Variants in LRP2 observed in about 807,000 individuals in gnomAD.
LRP2 encodes LDL receptor related protein 2.
LRP2 carries 172 observed loss-of-function variants against 531.0 expected under a neutral mutation model. That is an observed-to-expected ratio of 0.32 (90% CI 0.29 to 0.37). The LOEUF is 0.37. Ranked by LOEUF, LRP2 falls within the 10% of genes least tolerant of loss-of-function variation. LRP2 has a pLI of 1.00. For synonymous variants in LRP2, 1,992 were observed against 2,027.6 expected (o/e 0.98, Z 0.47); for missense variants, 5,167 against 5,868.3 (o/e 0.88, Z 3.90).
In LRP2 at chr2:169,239,690, C is replaced by A; in HGVS notation, c.4131G>T (p.Leu1377Phe). ...TAGAATCATTGGCAAGTAAGAATCC[C>A]AATGGACATAGGCATTTAGCCCCAA... ...EPFGAKCLCP[L>F]GFLLANDSKT... Residue 1377 changes from leucine (L) to phenylalanine (F), a missense_variant, in exon 26 of 79, where the codon TTG becomes TTT. By Grantham distance (22) the Leu-to-Phe change is conservative. Transcript: ENST00000649046. The A allele has an allele frequency of 6.2e-7, 1 of 1,613,952 alleles. No individual in the cohort carries two copies. The highest frequency in any genetic ancestry group is 8.5e-7 in the Non-Finnish European group (1 of 1,179,842).
At chr2:169,151,432 T>C (rs1686118952) in intron 67 of LRP2, among the ~76,000 whole-genome samples, 1 of 152,058 alleles carries the variant, frequency 6.6e-6, no homozygotes, top group Admixed American at 6.6e-5. Context: ...ACTGGCATTA[T>C]TATGAGACAT....
intron 1 of LRP2, among the ~76,000 whole-genome samples, chr2:169,354,557 A>G (rs1207711919): frequency 6.6e-5 from 10 of 152,236 alleles, no homozygotes; most frequent in Admixed American, 2.0e-4. Context: ...ATCTGTCATT[A>G]TCTAGGAAAG....
intron 1 of LRP2, among the ~76,000 whole-genome samples, chr2:169,337,583 A>T (rs1685439902): frequency 1.3e-5 from 2 of 152,228 alleles, no homozygotes; most frequent in Non-Finnish European, 2.9e-5. Context: ...CAATGACTCC[A>T]AAGGCCTCAA....
rs891561890 is a variant in LRP2, at chr2:169,329,244, G to T, written c.80-8360C>A. 2.0e-5 allele frequency among the ~76,000 whole-genome samples: 3 copies of T among 152,134 alleles called. No individual in the cohort carries two copies. The South Asian group carries it at 6.2e-4, about 31-fold the overall frequency. ...AGGGAGACCAGGCTTTGTGTGTAGG[G>T]TCAAAACAACTTGACAGGCCAGGCG... On this transcript the variant is annotated intron_variant, in intron 1 of 78. Transcript: ENST00000649046.
rs565417178 is a variant in LRP2, at chr2:169,358,118, C to T, written c.79+4203G>A. Among the ~76,000 whole-genome samples, 14 of 152,298 alleles carry T rather than the reference C, an allele frequency of 9.2e-5. No individual in the cohort carries two copies. The South Asian group carries it at 2.3e-3, about 25-fold the overall frequency. The stretch of plus-strand genomic sequence containing the variant: ...TCCAATTGTTTTTAAGATTCATCTG[C>T]TTATCAGACTGTGCCTTATCTGGCA... On this transcript the variant is annotated intron_variant, in intron 1 of 78. Coordinates refer to ENST00000649046, the MANE Select transcript of LRP2 (RefSeq NM_004525.3).
chr2:169,150,380 T>C (rs1686076714), intron 68 of LRP2, among the ~76,000 whole-genome samples: 1 of 152,214 alleles, frequency 6.6e-6, no homozygotes, highest in African/African-American at 2.4e-5. Flanking sequence ...CAAAACTTGT[T>C]CTCATTTACA....
chr2:169,168,632 C>T lies in LRP2; in HGVS notation c.11542G>A (p.Glu3848Lys), dbSNP rs777083781. The stretch of plus-strand genomic sequence containing the variant: ...GGGATACAAACATGGTTTTTGCATT[C>T]GAACATAGTAGCCTGGCAGTATGCA... ...DGAYCQATMF[E>K]CKNHVCIPPY... Residue 3848 changes from glutamate to lysine, a missense_variant, in exon 61 of 79, where the codon GAA (glutamate) becomes AAA (lysine). This residue lies in a region of LRP2 where 564 missense variants were observed against 747.7 expected (regional missense o/e 0.75). Transcript: ENST00000649046. 5.5e-5 allele frequency: 88 copies of T among 1,613,980 alleles called. No individual in the cohort carries two copies. Among genetic ancestry groups the T allele is most frequent in the Non-Finnish European group, 7.2e-5 (85 of 1,179,990 alleles).
At chr2:169,208,535 C>T (rs1688478606) in intron 38 of LRP2, among the ~76,000 whole-genome samples, 1 of 152,168 alleles carries the variant, frequency 6.6e-6, no homozygotes. Flanking sequence ...CGGCCCACTG[C>T]AACCTCCACC....
chr2:169,294,163 C>T lies in LRP2; in HGVS notation c.637G>A (p.Asp213Asn). The change falls in exon 6 of 79, where the codon GAC (aspartate) becomes AAC (asparagine). Residue 213 changes from aspartate (D) to asparagine (N), a missense_variant. Asp to Asn is a conservative substitution (Grantham distance 23). Coordinates refer to ENST00000649046, the MANE Select transcript of LRP2 (RefSeq NM_004525.3). ...DHDNDCQDGS[D>N]EHACNYPTCG... is the part of the protein sequence containing the mutation. ...ATCACCGTACTGCAAGCATGTTCGT[C>T]ACTGCCGTCTTGGCAATCATTGTCA... is the stretch of plus-strand genomic sequence containing the variant. The T allele has an allele frequency of 6.2e-7, 1 of 1,610,824 alleles. No homozygotes were observed. Among genetic ancestry groups the T allele is most frequent in the Non-Finnish European group, 8.5e-7 (1 of 1,177,038 alleles).
chr2:169,167,002 A>G (rs1686810577), intron 61 of LRP2, among the ~76,000 whole-genome samples: 1 of 152,216 alleles, frequency 6.6e-6, no homozygotes, highest in Non-Finnish European at 1.5e-5. Context: ...AGTATTGTTA[A>G]TAGAACTATT....
chr2:169,136,066 C>T (rs918772275), intron 76 of LRP2, among the ~76,000 whole-genome samples: 1 of 152,024 alleles, frequency 6.6e-6, no homozygotes, highest in Non-Finnish European at 1.5e-5. Context: ...CCTCCCAATT[C>T]TTAGTCCTTT....
At chr2:169,271,814 G>T in intron 15 of LRP2, 1 of 312,958 alleles carries the variant, frequency 3.2e-6, no homozygotes, top group Non-Finnish European at 4.6e-6. Context: ...ACAGCAATCA[G>T]AAATATAAAG....
At chr2:169,129,732 A>G (rs1338909255) in intron 77 of LRP2, among the ~76,000 whole-genome samples, 1 of 152,168 alleles carries the variant, frequency 6.6e-6, no homozygotes, top group Non-Finnish European at 1.5e-5. Context: ...ACTTGCAGGT[A>G]GAAGGGCAGG....
rs747142179 is a variant in LRP2 at position 169,239,673 on chromosome 2, T to C, written c.4148A>G (p.Asn1383Ser). 6.8e-6 allele frequency: 11 copies of C among 1,614,032 alleles called. No individual in the cohort carries two copies. The highest frequency in any genetic ancestry group is 9.3e-6 in the Non-Finnish European group (11 of 1,179,868). The change falls in exon 26 of 79, where the codon AAT (asparagine) becomes AGT (serine). Residue 1383 changes from asparagine (N) to serine (S), a missense_variant. This residue lies in a region of LRP2 where 2,811 missense variants were observed against 3,058.0 expected (regional missense o/e 0.92). Coordinates refer to ENST00000649046, the MANE Select transcript of LRP2 (RefSeq NM_004525.3). Reference sequence around the variant, plus strand: ...TATGTCTTCACAGGTCTTAGAATCATTGGCAAGTAAGAATCCCAATGGACA... The same window carrying C: ...TATGTCTTCACAGGTCTTAGAATCACTGGCAAGTAAGAATCCCAATGGACA... ...CLCPLGFLLA[N>S]DSKTCEDIDE...
chr2:169,244,022 G>A (rs1024621051), intron 22 of LRP2, among the ~76,000 whole-genome samples: 13 of 152,182 alleles, frequency 8.5e-5, no homozygotes, highest in Non-Finnish European at 1.5e-5. Context: ...CGGATGCAGT[G>A]GCTGGCCCCA....
chr2:169,292,583 A>C (rs1684025902), intron 6 of LRP2, among the ~76,000 whole-genome samples: 1 of 152,192 alleles, frequency 6.6e-6, no homozygotes, highest in Admixed American at 6.5e-5. Flanking sequence ...AAATGAACTC[A>C]GGTGCCGGTT....
chr2:169,209,606 A>T lies in LRP2; in HGVS notation c.6316T>A (p.Ser2106Thr). ...NALHVDVDVS[S>T]GFIYWCDFSS... ...AAATCACACCAATAAATAAAGCCAG[A>T]GGACACATCCACATCCACATGCAGT... Residue 2106 changes from serine to threonine, a missense_variant, in exon 38 of 79, where the codon TCT becomes ACT. By Grantham distance (58) the Ser-to-Thr change is moderately conservative. This residue lies in a region of LRP2 where 2,811 missense variants were observed against 3,058.0 expected (regional missense o/e 0.92). Coordinates refer to ENST00000649046, the MANE Select transcript of LRP2 (RefSeq NM_004525.3). 6.2e-7 allele frequency: 1 copy of T among 1,614,148 alleles called. No homozygotes were observed. The highest frequency in any genetic ancestry group is 8.5e-7 in the Non-Finnish European group (1 of 1,180,012).
chr2:169,247,351 T>TA (rs746824246), intron 20 of LRP2, 27 bp downstream of exon 20: 56 of 1,611,764 alleles, frequency 3.5e-5, no homozygotes, highest in Non-Finnish European at 4.0e-5. Flanking sequence ...TACAAAAAAA[T>TA]AAAAAAAACT....
chr2:169,206,929 T>C lies in LRP2; in HGVS notation c.6791A>G (p.Asn2264Ser). The C allele has an allele frequency of 6.2e-7, 1 of 1,614,214 alleles. No homozygotes were observed. Among genetic ancestry groups the C allele is most frequent in the Non-Finnish European group, 8.5e-7 (1 of 1,180,032 alleles). ...ACGAATCACTTCAGAGTTCTCTCCA[T>C]TGATACGAATCCTTGCAATTATATC... ...SLDIIARIRI[N>S]GENSEVIRYG... Residue 2264 changes from asparagine (N) to serine (S), a missense_variant, in exon 39 of 79, where the codon AAT becomes AGT. Asn to Ser is a conservative substitution (Grantham distance 46, BLOSUM62 1). Transcript: ENST00000649046.
Sources: allele counts gnomAD v4.1 joint callset (sites outside exome capture counted in the v4.1 genomes callset), GRCh38; gene constraint gnomAD v4.1.1; regional missense constraint gnomAD v4.1.1; transcripts MANE v1.5; gene names NCBI Gene and HGNC (gene_info 2026-07-23, HGNC 2026-07-21).